The following MYO9B variants were observed in gnomAD, a reference collection of about 807,000 sequenced individuals.
MYO9B encodes myosin IXB.
Under a neutral mutation model 229.5 loss-of-function variants are expected in MYO9B, and 71 were observed. That is an observed-to-expected ratio of 0.31 (90% CI 0.26 to 0.38). The LOEUF (loss-of-function observed/expected upper bound fraction) is 0.38, where lower values mean the gene tolerates loss of function less well. MYO9B is among the 10% of genes least tolerant of loss of function. The pLI, the probability that MYO9B is intolerant of heterozygous loss-of-function variation, is 1.00. For missense variants in MYO9B, 2,255 were observed against 2,920.5 expected, an observed-to-expected ratio of 0.77 and a Z score of 5.25; for synonymous variants, 1,185 against 1,235.8, an observed-to-expected ratio of 0.96 and a Z score of 0.86.
At chr19:17,116,501 G>A (rs545996669) in intron 2 of MYO9B, among the ~76,000 whole-genome samples, 15 of 152,258 alleles carry the variant, frequency 9.9e-5, no homozygotes, top group African/African-American at 3.6e-4. Context: ...ATTATGGCAT[G>A]AGGACAGGCA....
chr19:17,156,883 A>G, intron 6 of MYO9B, 26 bp from the exon 7 acceptor site: 4 of 1,606,646 alleles, frequency 2.5e-6, no homozygotes, highest in Non-Finnish European at 3.4e-6. Context: ...GAAACTACCC[A>G]AATATGAGTG....
intron 3 of MYO9B, among the ~76,000 whole-genome samples, chr19:17,152,287 C>T (rs1197260570): frequency 6.6e-6 from 1 of 151,976 alleles, no homozygotes; most frequent in African/African-American, 2.4e-5. Context: ...GGGATGGTGG[C>T]TCATGCCTGT....
chr19:17,110,750 G>A (rs1017185441), intron 2 of MYO9B, among the ~76,000 whole-genome samples: 18 of 152,180 alleles, frequency 1.2e-4, no homozygotes, highest in African/African-American at 4.3e-4. Flanking sequence ...ATGGGCTGCA[G>A]GGCGCAGAGG....
intron 38 of MYO9B, among the ~76,000 whole-genome samples, 167 bp downstream of exon 38, chr19:17,211,015 C>G (rs1231715376): frequency 7.8e-6 from 1 of 128,684 alleles, no homozygotes; most frequent in Non-Finnish European, 1.5e-5. Flanking sequence ...GACGGCGTCT[C>G]GCTCTGTCGC....
intron 15 of MYO9B, 44 bp downstream of exon 15, chr19:17,181,084 C>T: frequency 1.5e-6 from 2 of 1,373,408 alleles, no homozygotes. Context: ...CGACAACCGC[C>T]TCCCACTACT....
chr19:17,165,485 G>A (rs1246026789), intron 10 of MYO9B, among the ~76,000 whole-genome samples: 2 of 152,068 alleles, frequency 1.3e-5, no homozygotes, highest in African/African-American at 2.4e-5. Flanking sequence ...CAAGGTAAGA[G>A]GATTGCTTTA....
At chr19:17,162,593 C>T in intron 9 of MYO9B, 127 bp downstream of exon 9, 2 of 799,442 alleles carry the variant, frequency 2.5e-6, no homozygotes, top group South Asian at 1.6e-5. Flanking sequence ...TGTTTCCCCA[C>T]AAGGACAGGC....
intron 1 of MYO9B, among the ~76,000 whole-genome samples, chr19:17,100,840 A>G (rs2057738246): frequency 6.6e-6 from 1 of 151,718 alleles, no homozygotes; most frequent in African/African-American, 2.4e-5. Context: ...TCATCTTCCT[A>G]GGTTGGGTTT....
intron 2 of MYO9B, among the ~76,000 whole-genome samples, chr19:17,125,296 A>ACC (rs1568262305): frequency 1.2e-4 from 5 of 42,536 alleles, no homozygotes; most frequent in African/African-American, 3.5e-4. Context: ...GTAAAACCCC[A>ACC]TCCCCCCCCC....
chr19:17,156,940 C>G lies in MYO9B; in HGVS notation c.1231C>G (p.Leu411Val), dbSNP rs1390967854. The G allele has an allele frequency of 6.2e-7, 1 of 1,613,858 alleles. No homozygotes were observed. The change falls in exon 7 of 40, where the codon CTG (leucine) becomes GTG (valine). Residue 411 changes from leucine to valine, a missense_variant. By Grantham distance (32) the Leu-to-Val change is conservative. Transcript: ENST00000682292. ...IFAVLSAILYLGNVTYKKRAT... is the reference protein window; with the variant it reads ...IFAVLSAILYVGNVTYKKRAT... Reference sequence around the variant, plus strand: ...TGCCGTCCTCTCGGCCATCCTGTACCTGGGCAACGTCACTTATAAGAAGAG... The same window carrying G: ...TGCCGTCCTCTCGGCCATCCTGTACGTGGGCAACGTCACTTATAAGAAGAG...
Position 17,172,684 on chromosome 19 carries a change from C to G in MYO9B, c.1936-75C>G. 1 of 1,559,580 alleles carries G rather than the reference C, an allele frequency of 6.4e-7. No individual in the cohort carries two copies. Among genetic ancestry groups the G allele is most frequent in the African/African-American group, 1.4e-5 (1 of 73,926 alleles). ...CCCACCCCACCGTCAGCCCTTCCTG[C>G]GCCAGCCCGGGGTCTTTGGTAGGCG... On this transcript the variant is annotated intron_variant, in intron 12 of 39. Transcript: ENST00000682292. This position sits in a 1 kb window ranked among gnomAD's most constrained non-coding sequence, Gnocchi z 8.2.
In MYO9B at chr19:17,119,735, T is replaced by C. The variant is rs1054515949; in HGVS notation, c.840+17178T>C. ...GGCGCAATCTCAGCTCACTGCAGGC[T>C]CCGCCTCCCGGGTTCATGCCATTCT... On this transcript the variant is annotated intron_variant, in intron 2 of 39. Transcript: ENST00000682292. 3.3e-5 allele frequency among the ~76,000 whole-genome samples: 5 copies of C among 152,324 alleles called. No individual in the cohort carries two copies. In the South Asian group the frequency reaches 1.0e-3, roughly 32 times the overall value.
chr19:17,096,949 C>G (rs947376681), intron 1 of MYO9B, among the ~76,000 whole-genome samples: 3 of 150,778 alleles, frequency 2.0e-5, no homozygotes, highest in Non-Finnish European at 1.5e-5. Flanking sequence ...CTCTGCTTCC[C>G]AAAATGCTGG....
intron 13 of MYO9B, 129 bp downstream of exon 13, chr19:17,173,092 A>G: frequency 1.8e-6 from 2 of 1,133,298 alleles, no homozygotes; most frequent in South Asian, 1.5e-5. Context: ...CCACCTGTCT[A>G]CCTGAAGTGT....
chr19:17,080,788 G>A (rs2123427204), intron 1 of MYO9B, among the ~76,000 whole-genome samples: 1 of 152,106 alleles, frequency 6.6e-6, no homozygotes, highest in African/African-American at 2.4e-5. Flanking sequence ...CAGATCGCTT[G>A]AGCCTGGGAG....
intron 8 of MYO9B, among the ~76,000 whole-genome samples, chr19:17,161,374 C>T (rs1279102592): frequency 6.6e-6 from 1 of 152,070 alleles, no homozygotes; most frequent in African/African-American, 2.4e-5. Context: ...TTGGATGAGT[C>T]GAGTGTTGAC....
Position 17,202,132 on chromosome 19 carries a change from C to T in MYO9B, c.4665C>T (p.Asn1555=), listed in dbSNP as rs370993383. Residue 1555 remains asparagine, a splice_region_variant and synonymous_variant, in exon 28 of 40, where the codon AAC becomes AAT. Transcript: ENST00000682292. ...GGTGACGCCTAGCATTCCTACAGAA[C>T]GGGAAGATCCACGTGGGCTACAAGG... ...SNIKTMYSVP[N]GKIHVGYKDL... 3.6e-5 allele frequency: 58 copies of T among 1,613,492 alleles called. No individual in the cohort carries two copies. Among genetic ancestry groups the T allele is most frequent in the South Asian group, 8.8e-5 (8 of 91,046 alleles).
rs1369251319 is a variant in MYO9B at position 17,102,506 on chromosome 19, C to T, written c.789C>T (p.Gly263=). The T allele has an allele frequency of 3.7e-6, 6 of 1,612,824 alleles. No individual in the cohort carries two copies. Among genetic ancestry groups the T allele is most frequent in the Middle Eastern group, 1.6e-4 (1 of 6,062 alleles). The change falls in exon 2 of 40, where the codon GGC becomes GGT. Residue 263 remains glycine (G), a synonymous_variant. Coordinates refer to ENST00000682292, the MANE Select transcript of MYO9B (RefSeq NM_004145.4). ...IHCLTALSQK[G]YASGVERTIL... ...GCCTCACCGCCCTCAGCCAGAAGGG[C>T]TACGCCAGCGGCGTCGAGAGGACCA...
chr19:17,085,918 A>G (rs1052858888), intron 1 of MYO9B, among the ~76,000 whole-genome samples: 1 of 151,814 alleles, frequency 6.6e-6, no homozygotes. Context: ...TGCCCTCCCT[A>G]TCTTCGTTAC....
Sources: gnomAD v4.1 joint callset for allele counts (sites outside exome capture counted in the v4.1 genomes callset) on GRCh38, gnomAD v4.1.1 for gene constraint, Gnocchi (gnomAD v3.1) non-coding constraint, MANE v1.5 for transcripts, NCBI Gene and HGNC (gene_info 2026-07-23, HGNC 2026-07-21) for gene names.